The following APBB2 variants were observed in gnomAD, a reference collection of about 807,000 sequenced individuals.
The protein encoded by APBB2 is amyloid beta precursor protein binding family B member 2.
APBB2 carries 38 observed loss-of-function variants against 82.5 expected under a neutral mutation model. The observed-to-expected ratio is 0.46, with a 90% CI of 0.36 to 0.60. APBB2 has a LOEUF of 0.60. APBB2 is among the 20% of genes least tolerant of loss of function. The probability of loss-of-function intolerance (pLI) is 0.00; values close to 1 mark genes in which losing one functional copy is unlikely to be tolerated. For synonymous variants in APBB2, 341 were observed against 368.2 expected (o/e 0.93, Z 0.85); for missense variants, 772 against 972.3 (o/e 0.79, Z 2.74).
intron 10 of APBB2, among the ~76,000 whole-genome samples, chr4:40,910,154 G>T (rs374084875): frequency 2.0e-5 from 3 of 147,238 alleles, no homozygotes; most frequent in African/African-American, 5.0e-5. Flanking sequence ...TTTTAGTAGA[G>T]ACAGGGTTTT....
intron 1 of APBB2, among the ~76,000 whole-genome samples, chr4:41,166,092 T>A (rs940406180): frequency 2.0e-5 from 3 of 150,862 alleles, no homozygotes; most frequent in African/African-American, 7.3e-5. Flanking sequence ...GCCAGGATGG[T>A]CTCAATCTCC....
chr4:41,057,221 CG>C (rs1728134527), intron 4 of APBB2, among the ~76,000 whole-genome samples: 1 of 152,146 alleles, frequency 6.6e-6, no homozygotes, highest in African/African-American at 2.4e-5. Flanking sequence ...GAGGCTGAGG[CG>C]GGCAGATCAC....
intron 3 of APBB2, among the ~76,000 whole-genome samples, chr4:41,078,493 A>AT (rs1736424016): frequency 1.3e-5 from 2 of 152,252 alleles, no homozygotes; most frequent in East Asian, 1.9e-4. Flanking sequence ...AAGGAAACAG[A>AT]TAAGTCTTAA....
chr4:41,026,223 C>T (rs1252377174), intron 5 of APBB2, among the ~76,000 whole-genome samples: 1 of 152,044 alleles, frequency 6.6e-6, no homozygotes, highest in Non-Finnish European at 1.5e-5. Context: ...GAAAAGATAA[C>T]TATTGGGTAC....
chr4:40,825,653 C>T (rs911635431), intron 15 of APBB2: 10 of 493,652 alleles, frequency 2.0e-5, no homozygotes, highest in Non-Finnish European at 3.0e-5. Flanking sequence ...AAATCCACGT[C>T]TGTATTGCTA....
At chr4:41,202,657 T>C (rs1266467089) in intron 1 of APBB2, among the ~76,000 whole-genome samples, 10 of 152,234 alleles carry the variant, frequency 6.6e-5, no homozygotes, top group Non-Finnish European at 1.3e-4. Flanking sequence ...GTTGTTTAAC[T>C]TGACCATTTA....
chr4:41,146,423 G>A (rs778403782), intron 1 of APBB2, among the ~76,000 whole-genome samples: 10 of 151,884 alleles, frequency 6.6e-5, no homozygotes, highest in Non-Finnish European at 1.3e-4. Flanking sequence ...GATCCTGGGC[G>A]GTTGAGGCTG....
intron 5 of APBB2, among the ~76,000 whole-genome samples, chr4:41,031,818 T>C (rs960190319): frequency 3.3e-5 from 5 of 152,254 alleles, no homozygotes; most frequent in Non-Finnish European, 7.3e-5. Flanking sequence ...ATTCTCAACA[T>C]TTAAAATCTA....
At chr4:40,979,944 G>A (rs146543350) in intron 6 of APBB2, among the ~76,000 whole-genome samples, 21 of 152,250 alleles carry the variant, frequency 1.4e-4, no homozygotes, top group Non-Finnish European at 2.8e-4. Context: ...TTTGTTATGC[G>A]GCAATAGAAA....
intron 17 of APBB2, among the ~76,000 whole-genome samples, chr4:40,818,458 C>T (rs1746594714): frequency 6.6e-6 from 1 of 152,184 alleles, no homozygotes; most frequent in Non-Finnish European, 1.5e-5. Flanking sequence ...AGTCGGAAAG[C>T]CATTCATTTT....
intron 6 of APBB2, among the ~76,000 whole-genome samples, chr4:40,989,305 A>T (rs888118601): frequency 6.6e-6 from 1 of 152,154 alleles, no homozygotes; most frequent in Non-Finnish European, 1.5e-5. Context: ...TGATCACACT[A>T]GATTGAACAT....
chr4:40,970,320 G>C, intron 6 of APBB2, among the ~76,000 whole-genome samples: 1 of 152,116 alleles, frequency 6.6e-6, no homozygotes, highest in East Asian at 1.9e-4. Context: ...TGAACAAAAT[G>C]AAAGACTTCC....
chr4:40,970,152 A>C (rs185627542), intron 6 of APBB2, among the ~76,000 whole-genome samples: 16 of 152,284 alleles, frequency 1.1e-4, no homozygotes, highest in Middle Eastern at 3.4e-3. Context: ...ATGAGGGCCC[A>C]TTATCCTGGA....
At chr4:41,039,494 A>G (rs1035806793) in intron 4 of APBB2, among the ~76,000 whole-genome samples, 6 of 152,244 alleles carry the variant, frequency 3.9e-5, no homozygotes, top group South Asian at 2.1e-4. Context: ...GACAGTTACT[A>G]TGACAACAGA....
At chr4:41,144,078 A>T (rs2154022695) in intron 1 of APBB2, among the ~76,000 whole-genome samples, 1 of 152,380 alleles carries the variant, frequency 6.6e-6, no homozygotes, top group African/African-American at 2.4e-5. Context: ...TAGATTAAGA[A>T]GTCTTCATTT....
Position 40,995,230 on chromosome 4 carries a change from T to A in APBB2, c.835+18353A>T, listed in dbSNP as rs78460006. 1.3e-4 allele frequency among the ~76,000 whole-genome samples: 20 copies of A among 152,356 alleles called. No individual in the cohort carries two copies. The East Asian group carries it at 3.7e-3, about 28-fold the overall frequency. ...AAATAATACACTGGCATTGAGAATG[T>A]GCACTGAACATGCAGTACCAAGAAA... On this transcript the variant is annotated intron_variant, in intron 6 of 17. Transcript: ENST00000508593.
At chr4:41,189,178 T>C (rs553030583) in intron 1 of APBB2, among the ~76,000 whole-genome samples, 4 of 152,282 alleles carry the variant, frequency 2.6e-5, no homozygotes, top group Non-Finnish European at 2.9e-5. Flanking sequence ...AGTATATTCA[T>C]ATAATATATA....
At chr4:41,052,964 C>A (rs1053290374) in intron 4 of APBB2, among the ~76,000 whole-genome samples, 3 of 152,064 alleles carry the variant, frequency 2.0e-5, no homozygotes, top group Non-Finnish European at 1.5e-5. Flanking sequence ...GGGGTTTCAC[C>A]ATGTTGGCCA....
At position 40,821,972 on chromosome 4, in the gene APBB2, C is replaced by G. The variant is rs976977105; in HGVS notation, c.2011G>C (p.Ala671Pro). ...MGVGKDVHTF[A>P]FIMDTGNQRF... The stretch of plus-strand genomic sequence containing the variant: ...TGGTTCCCCGTGTCCATGATGAAGG[C>G]AAATGTGTGGACGTCCTTCCCAACA... The change falls in exon 17 of 18, where the codon GCC (alanine) becomes CCC (proline). Residue 671 changes from alanine to proline, a missense_variant. By Grantham distance (27) the Ala-to-Pro change is conservative. Coordinates refer to ENST00000508593, the MANE Select transcript of APBB2 (RefSeq NM_004307.2). The G allele has an allele frequency of 6.2e-7, 1 of 1,614,042 alleles. No homozygotes were observed. The highest frequency in any genetic ancestry group is 1.3e-5 in the African/African-American group (1 of 74,910).
Sources: allele counts gnomAD v4.1 joint callset (sites outside exome capture counted in the v4.1 genomes callset), GRCh38; gene constraint gnomAD v4.1.1; transcripts MANE v1.5; gene names NCBI Gene and HGNC (gene_info 2026-07-23, HGNC 2026-07-21).